Variants in AP3B1 observed in about 807,000 individuals in gnomAD.
AP3B1 encodes the protein AP-3 complex subunit beta-1.
AP3B1 carries 61 observed loss-of-function variants against 132.5 expected under a neutral mutation model. The ratio of observed to expected loss-of-function variants is 0.46; its 90% confidence interval spans 0.37 to 0.57. AP3B1 has a LOEUF of 0.57. Among genes scored for constraint, AP3B1 ranks in the 20% least tolerant of loss-of-function variants. The pLI is 0.00. For missense variants in AP3B1, 1,120 were observed against 1,289.4 expected, an observed-to-expected ratio of 0.87 and a Z score of 2.01; for synonymous variants, 388 against 438.3, an observed-to-expected ratio of 0.89 and a Z score of 1.43.
At chr5:78,238,176 T>C (rs1746962530) in intron 3 of AP3B1, among the ~76,000 whole-genome samples, 1 of 152,166 alleles carries the variant, frequency 6.6e-6, no homozygotes, top group African/African-American at 2.4e-5. Context: ...TAGATTCTCA[T>C]AGGAGCACAA....
chr5:78,293,097 T>C (rs997556620), intron 1 of AP3B1, among the ~76,000 whole-genome samples: 2 of 152,186 alleles, frequency 1.3e-5, no homozygotes, highest in Non-Finnish European at 2.9e-5. Context: ...CAGGCTGGTC[T>C]CGAACTCCTG....
At chr5:78,192,019 C>T (rs940472777) in intron 7 of AP3B1, among the ~76,000 whole-genome samples, 2 of 151,910 alleles carry the variant, frequency 1.3e-5, no homozygotes, top group African/African-American at 4.8e-5. Flanking sequence ...CACCACCACA[C>T]CCGGCTAATT....
chr5:78,050,049 C>T (rs1748514041), intron 22 of AP3B1, among the ~76,000 whole-genome samples: 3 of 152,258 alleles, frequency 2.0e-5, no homozygotes, highest in South Asian at 4.1e-4. Context: ...TTCTACTCAT[C>T]GCCATGACTT....
At chr5:78,003,276 CAG>C (rs1394897197) in intron 26 of AP3B1, among the ~76,000 whole-genome samples, 1 of 152,098 alleles carries the variant, frequency 6.6e-6, no homozygotes, top group African/African-American at 2.4e-5. Flanking sequence ...ACATTTAAAA[CAG>C]AACAGAAAAA....
intron 26 of AP3B1, among the ~76,000 whole-genome samples, chr5:78,008,619 T>G (rs191323300): frequency 4.5e-4 from 69 of 152,296 alleles, no homozygotes; most frequent in African/African-American, 1.4e-3. Context: ...TCTACAAATC[T>G]TCAGTCCTGT....
chr5:78,174,891 CA>C (rs2112399713), intron 11 of AP3B1, among the ~76,000 whole-genome samples: 1 of 152,382 alleles, frequency 6.6e-6, no homozygotes, highest in Admixed American at 6.5e-5. Flanking sequence ...TCAAGCTTCC[CA>C]GCCGCTTTGT....
chr5:78,086,228 G>A (rs573944897), intron 22 of AP3B1, among the ~76,000 whole-genome samples: 1 of 152,022 alleles, frequency 6.6e-6, no homozygotes, highest in Non-Finnish European at 1.5e-5. Context: ...GCATATCTAT[G>A]TACAGCCTTA....
At chr5:78,280,092 T>C (rs1163388331) in intron 1 of AP3B1, among the ~76,000 whole-genome samples, 2 of 139,690 alleles carry the variant, frequency 1.4e-5, no homozygotes, top group Non-Finnish European at 3.2e-5. Flanking sequence ...AAAAAAAGAA[T>C]ATATTTCAAG....
intron 17 of AP3B1, among the ~76,000 whole-genome samples, chr5:78,120,857 C>T (rs1306418017): frequency 1.3e-5 from 2 of 152,214 alleles, no homozygotes; most frequent in East Asian, 3.8e-4. Flanking sequence ...TAGACATCTA[C>T]AGAACTCTCC....
At chr5:78,201,200 T>C (rs1179831819) in intron 7 of AP3B1, among the ~76,000 whole-genome samples, 1 of 152,222 alleles carries the variant, frequency 6.6e-6, no homozygotes, top group Non-Finnish European at 1.5e-5. Context: ...TCATGGCAAC[T>C]GTAGCAAACT....
intron 8 of AP3B1, among the ~76,000 whole-genome samples, chr5:78,179,163 T>G (rs1029590038): frequency 6.6e-6 from 1 of 152,170 alleles, no homozygotes; most frequent in Non-Finnish European, 1.5e-5. Flanking sequence ...ATCAGTCATT[T>G]AAAAAAATAT....
intron 2 of AP3B1, among the ~76,000 whole-genome samples, chr5:78,255,591 A>G (rs919307227): frequency 6.6e-6 from 1 of 152,172 alleles, no homozygotes; most frequent in South Asian, 2.1e-4. Flanking sequence ...ACCCAGATAT[A>G]TAAAGCAAAT....
intron 11 of AP3B1, among the ~76,000 whole-genome samples, chr5:78,166,470 C>G (rs954954045): frequency 1.3e-5 from 2 of 152,078 alleles, no homozygotes; most frequent in African/African-American, 4.8e-5. Context: ...GATTTGTTCT[C>G]CTATAGTCTA....
chr5:78,268,701 T>G (rs1022386882), intron 1 of AP3B1, among the ~76,000 whole-genome samples: 19 of 152,178 alleles, frequency 1.2e-4, no homozygotes, highest in Admixed American at 5.9e-4. Flanking sequence ...AACAAGCACC[T>G]GCTCTCTGAA....
chr5:78,171,562 C>G (rs528202378), intron 11 of AP3B1, among the ~76,000 whole-genome samples: 35 of 152,164 alleles, frequency 2.3e-4, no homozygotes, highest in Admixed American at 7.9e-4. Context: ...TATAGGAATG[C>G]TTCTGATTTT....
chr5:78,226,242 A>G (rs745398116), intron 5 of AP3B1, among the ~76,000 whole-genome samples: 1 of 152,124 alleles, frequency 6.6e-6, no homozygotes, highest in African/African-American at 2.4e-5. Flanking sequence ...ATCTTATCCC[A>G]TAAGTTTCTA....
At chr5:78,141,474 TATC>T (rs1753145429) in intron 14 of AP3B1, among the ~76,000 whole-genome samples, 155 bp from the exon 15 acceptor site, 1 of 152,190 alleles carries the variant, frequency 6.6e-6, no homozygotes, top group East Asian at 1.9e-4. Context: ...TTTCGTCAGT[TATC>T]AAAAAATAAA....
At chr5:78,256,532 T>C (rs1310405442) in intron 2 of AP3B1, among the ~76,000 whole-genome samples, 1 of 151,792 alleles carries the variant, frequency 6.6e-6, no homozygotes, top group Non-Finnish European at 1.5e-5. Context: ...TAATAAAAAG[T>C]CTCCCACTGA....
At chr5:78,079,271 C>A (rs1749889997) in intron 22 of AP3B1, among the ~76,000 whole-genome samples, 1 of 151,982 alleles carries the variant, frequency 6.6e-6, no homozygotes. Context: ...TTACAATTTT[C>A]TTATATAATT....
Sources: gnomAD v4.1 joint callset for allele counts (sites outside exome capture counted in the v4.1 genomes callset) on GRCh38, gnomAD v4.1.1 for gene constraint, MANE v1.5 for transcripts, NCBI Gene and HGNC (gene_info 2026-07-23, HGNC 2026-07-21) for gene names.